The following SSBP3 variants were observed in gnomAD, a reference collection of about 807,000 sequenced individuals.
SSBP3 encodes single-stranded DNA-binding protein 3.
A neutral mutation model predicts 69.6 loss-of-function variants in SSBP3; 5 were observed. That is an observed-to-expected ratio of 0.07 (90% CI 0.04 to 0.15). The LOEUF (loss-of-function observed/expected upper bound fraction) is 0.15. Ranked by LOEUF, SSBP3 falls within the 10% of genes least tolerant of loss-of-function variation. The pLI, the probability that SSBP3 is intolerant of heterozygous loss-of-function variation, is 1.00. For missense variants in SSBP3, 312 were observed against 534.0 expected, an observed-to-expected ratio of 0.58 and a Z score of 4.10; for synonymous variants, 196 against 193.4, an observed-to-expected ratio of 1.01 and a Z score of -0.11.
chr1:54,302,054 T>TGG (rs554889180), intron 4 of SSBP3, among the ~76,000 whole-genome samples: 1 of 144,618 alleles, frequency 6.9e-6, no homozygotes, highest in Non-Finnish European at 1.5e-5. Flanking sequence ...TGGGTGGGGG[T>TGG]GGGGGGGTAC....
intron 4 of SSBP3, among the ~76,000 whole-genome samples, chr1:54,318,656 G>T (rs1646157970): frequency 6.6e-6 from 1 of 152,104 alleles, no homozygotes; most frequent in African/African-American, 2.4e-5. Flanking sequence ...GAACAGGACT[G>T]CCAGGAGAGG....
rs895027972 is a variant in SSBP3 at position 54,228,734 on chromosome 1, C to A, written c.1006+14G>T. 2 of 1,584,770 alleles carry A rather than the reference C, an allele frequency of 1.3e-6. No individual in the cohort carries two copies. Among genetic ancestry groups the A allele is most frequent in the African/African-American group, 1.3e-5 (1 of 74,392 alleles). On this transcript the variant is annotated intron_variant, in intron 15 of 17. Transcript: ENST00000610401. Reference sequence around the variant, plus strand: ...CAGGCAGGGTGGGGCATGGCGAGGGCAGGGGCCACTCACCTAATGATCCAT... The same window carrying A: ...CAGGCAGGGTGGGGCATGGCGAGGGAAGGGGCCACTCACCTAATGATCCAT...
At chr1:54,242,441 AAAAAATATGTGAAATTCCCTTTGCAT>A (rs1212574925) in intron 10 of SSBP3, among the ~76,000 whole-genome samples, 2 of 152,328 alleles carry the variant, frequency 1.3e-5, no homozygotes, top group African/African-American at 4.8e-5. Flanking sequence ...AAAATTAGAT[AAAAAATATGTGAAATTCCCTTTGCAT>A]GTGCATTTTC....
At chr1:54,291,958 CG>C (rs1297197876) in intron 4 of SSBP3, among the ~76,000 whole-genome samples, 1 of 152,190 alleles carries the variant, frequency 6.6e-6, no homozygotes, top group African/African-American at 2.4e-5. Flanking sequence ...AGGCTGCTCT[CG>C]GGCACCTGCT....
chr1:54,309,781 T>C (rs1466398482), intron 4 of SSBP3, among the ~76,000 whole-genome samples: 1 of 152,124 alleles, frequency 6.6e-6, no homozygotes, highest in Non-Finnish European at 1.5e-5. Flanking sequence ...GTCCAACTCC[T>C]TTGCCCCTTG....
At chr1:54,229,915 C>G (rs1341087365) in intron 14 of SSBP3, among the ~76,000 whole-genome samples, 1 of 152,192 alleles carries the variant, frequency 6.6e-6, no homozygotes, top group African/African-American at 2.4e-5. Context: ...AAGACAGCTG[C>G]AAAGTACAGC....
chr1:54,262,327 C>T (rs959696162), intron 5 of SSBP3, among the ~76,000 whole-genome samples: 14 of 152,154 alleles, frequency 9.2e-5, no homozygotes, highest in African/African-American at 2.7e-4. Context: ...AGCCAGGCCT[C>T]GATGTCTGAT....
intron 9 of SSBP3, among the ~76,000 whole-genome samples, chr1:54,244,286 T>C (rs1407691709): frequency 4.6e-5 from 7 of 152,176 alleles, no homozygotes; most frequent in Non-Finnish European, 1.0e-4. Flanking sequence ...GTATTTTTAG[T>C]AGAGACGGGG....
chr1:54,383,167 A>G (rs111900181), intron 4 of SSBP3, among the ~76,000 whole-genome samples: 14,457 of 151,852 alleles, frequency 0.095, 924 homozygotes, highest in East Asian at 0.28. Context: ...TGAGCTCAGG[A>G]GTTTGAGACC....
intron 4 of SSBP3, among the ~76,000 whole-genome samples, chr1:54,361,219 G>A (rs1646947264): frequency 6.6e-6 from 1 of 152,288 alleles, no homozygotes; most frequent in Middle Eastern, 3.4e-3. Context: ...TTCTACCCTA[G>A]AAGGGAGATG....
In SSBP3 at chr1:54,258,192, A is replaced by G. The variant is rs746247818; in HGVS notation, c.367-43T>C. On this transcript the variant is annotated intron_variant, in intron 5 of 17. Transcript: ENST00000610401. This position sits in a 1 kb window ranked among gnomAD's most constrained non-coding sequence, Gnocchi z 4.5. Reference sequence around the variant, plus strand: ...AGAGGCAGGTTATAGATCACAGCACATGGAGAAGCGCAGAAGCAGCTTAAA... The same window carrying G: ...AGAGGCAGGTTATAGATCACAGCACGTGGAGAAGCGCAGAAGCAGCTTAAA... The G allele has an allele frequency of 1.4e-5, 19 of 1,321,380 alleles. No homozygotes were observed. Among genetic ancestry groups the G allele is most frequent in the East Asian group, 3.5e-5 (1 of 28,296 alleles). 81.9% of individuals were successfully genotyped at this position (1,321,380 alleles called of 1,614,324 possible). A position where few individuals can be genotyped will look rare whatever the true frequency, so the allele number is the denominator to read the frequency against.
chr1:54,388,018 G>A (rs1461495614), intron 4 of SSBP3, among the ~76,000 whole-genome samples: 2 of 152,140 alleles, frequency 1.3e-5, no homozygotes, highest in Non-Finnish European at 2.9e-5. Flanking sequence ...CTTAAATGTT[G>A]TGAAGAAAAA....
rs34404422 is a variant in SSBP3, at chr1:54,255,158, C to CGG, written c.507+1967_507+1968dup. On this transcript the variant is annotated intron_variant, in intron 7 of 17. Transcript: ENST00000610401. ...AGTGTAGATTTCTATTGCGGGGGGG[C>CGG]GGGGGGGGGGGTGGTTGGCAGGGAG... 7.4e-3 allele frequency among the ~76,000 whole-genome samples: 471 copies of CGG among 63,388 alleles called. 6 individuals are homozygous for CGG. Among genetic ancestry groups the CGG allele is most frequent in the African/African-American group, 9.7e-3 (186 of 19,250 alleles). The allele number at this position is 63,388 out of a possible 152,430, so 41.6% of individuals were successfully genotyped here. A position where few individuals can be genotyped will look rare whatever the true frequency, so the allele number is the denominator to read the frequency against.
At chr1:54,392,499 ACT>A (rs1261033805) in intron 4 of SSBP3, among the ~76,000 whole-genome samples, 2 of 152,234 alleles carry the variant, frequency 1.3e-5, no homozygotes, top group Non-Finnish European at 2.9e-5. Flanking sequence ...ATTTGTGTTT[ACT>A]CTGTGTAATA....
chr1:54,392,153 C>G (rs919639036), intron 4 of SSBP3, among the ~76,000 whole-genome samples: 4 of 152,200 alleles, frequency 2.6e-5, no homozygotes, highest in Non-Finnish European at 5.9e-5. Flanking sequence ...AAGACTATGG[C>G]AGCAAACCAC....
At chr1:54,295,918 G>A (rs1202425085) in intron 4 of SSBP3, among the ~76,000 whole-genome samples, 1 of 152,152 alleles carries the variant, frequency 6.6e-6, no homozygotes, top group Non-Finnish European at 1.5e-5. Flanking sequence ...ACTCTACCTT[G>A]ACTCTTCCAG....
intron 4 of SSBP3, among the ~76,000 whole-genome samples, chr1:54,376,173 C>CT (rs1265400976): frequency 6.6e-6 from 1 of 151,508 alleles, no homozygotes; most frequent in East Asian, 2.0e-4. Context: ...CCTGTTCACT[C>CT]GTGTGCGTGC....
chr1:54,322,141 CT>C (rs1646224121), intron 4 of SSBP3, among the ~76,000 whole-genome samples: 1 of 152,182 alleles, frequency 6.6e-6, no homozygotes, highest in African/African-American at 2.4e-5. Flanking sequence ...AAGGATCTGG[CT>C]TCTCACAAGT....
intron 11 of SSBP3, among the ~76,000 whole-genome samples, chr1:54,241,720 C>A (rs997181205): frequency 2.0e-5 from 3 of 152,234 alleles, no homozygotes; most frequent in African/African-American, 7.2e-5. Context: ...TGGTCTCTTA[C>A]TCCCCAGTCC....
Sources: allele counts gnomAD v4.1 joint callset (sites outside exome capture counted in the v4.1 genomes callset), GRCh38; gene constraint gnomAD v4.1.1; non-coding constraint Gnocchi (gnomAD v3.1); transcripts MANE v1.5; gene names NCBI Gene and HGNC (gene_info 2026-07-23, HGNC 2026-07-21).